NALF1: variants seen among roughly 807,000 people sequenced by gnomAD.
The protein encoded by NALF1 is NALCN channel auxiliary factor 1.
NALF1 carries 3 observed loss-of-function variants against 48.4 expected under a neutral mutation model. The ratio of observed to expected loss-of-function variants is 0.06; its 90% CI spans 0.03 to 0.16. NALF1 has a LOEUF of 0.16. Among genes scored for constraint, NALF1 ranks in the 10% least tolerant of loss-of-function variants. NALF1 has a pLI of 1.00. For missense variants in NALF1, 526 were observed against 571.5 expected (o/e 0.92, Z 0.81); for synonymous variants, 262 against 245.7 (o/e 1.07, Z -0.62).
At chr13:107,406,833 G>A (rs1883908315) in intron 1 of NALF1, among the ~76,000 whole-genome samples, 2 of 151,766 alleles carry the variant, frequency 1.3e-5, no homozygotes, top group Non-Finnish European at 2.9e-5. Context: ...AAAAAGAACA[G>A]AATGGGAGAA....
At chr13:107,200,264 G>C (rs1204328347) in intron 2 of NALF1, among the ~76,000 whole-genome samples, 2 of 152,186 alleles carry the variant, frequency 1.3e-5, no homozygotes, top group Non-Finnish European at 2.9e-5. Context: ...GGATTAGCCA[G>C]AGGAAGCTTT....
intron 1 of NALF1, among the ~76,000 whole-genome samples, chr13:107,656,647 C>T (rs1880584067): frequency 6.6e-6 from 1 of 152,138 alleles, no homozygotes; most frequent in Admixed American, 6.6e-5. Context: ...ATCCAGCAAT[C>T]CCACTACTGG....
At chr13:107,696,534 T>C (rs1881702886) in intron 1 of NALF1, among the ~76,000 whole-genome samples, 1 of 150,198 alleles carries the variant, frequency 6.7e-6, no homozygotes, top group African/African-American at 2.5e-5. Context: ...AGTGAAGTAC[T>C]TAACATCTCC....
chr13:107,465,838 C>T (rs1884993438), intron 1 of NALF1: 1 of 152,248 alleles, frequency 6.6e-6, no homozygotes, highest in Admixed American at 6.5e-5. Context: ...CCCCTTTTAG[C>T]TGTGTCCTCA....
At chr13:107,524,392 T>A (rs1038372394) in intron 1 of NALF1, among the ~76,000 whole-genome samples, 11 of 152,124 alleles carry the variant, frequency 7.2e-5, no homozygotes, top group African/African-American at 2.7e-4. Flanking sequence ...TTAAAATTAA[T>A]GTAATTTTTC....
chr13:107,309,580 G>A (rs1219808227), intron 1 of NALF1, among the ~76,000 whole-genome samples: 1 of 152,186 alleles, frequency 6.6e-6, no homozygotes, highest in Admixed American at 6.5e-5. Context: ...TTCACGGGAG[G>A]AACAGGTGCA....
intron 1 of NALF1, among the ~76,000 whole-genome samples, chr13:107,245,319 T>C (rs1880559153): frequency 6.6e-6 from 1 of 152,346 alleles, no homozygotes; most frequent in South Asian, 2.1e-4. Flanking sequence ...CTTTTCACGA[T>C]GTCTCTAGTA....
chr13:107,344,436 A>G (rs1882737588), intron 1 of NALF1, among the ~76,000 whole-genome samples: 1 of 152,210 alleles, frequency 6.6e-6, no homozygotes, highest in African/African-American at 2.4e-5. Flanking sequence ...AAAAATCCTT[A>G]ACAAAACACT....
chr13:107,569,456 A>G lies in NALF1; in HGVS notation c.915+296226T>C, dbSNP rs568837778. Among the ~76,000 whole-genome samples the G allele has an allele frequency of 1.5e-4, 23 of 152,088 alleles. No individual in the cohort carries two copies. The South Asian group carries it at 2.9e-3, about 19-fold the overall frequency. On this transcript the variant is annotated intron_variant, in intron 1 of 2. Coordinates refer to ENST00000375915, the MANE Select transcript of NALF1 (RefSeq NM_001080396.3). ...CACCGCACTCCAGCCTGGGCGACAC[A>G]GCGAGACTCCGTCTCAAAAAAAAAA...
chr13:107,826,154 C>G (rs1879510533), intron 1 of NALF1, among the ~76,000 whole-genome samples: 1 of 152,166 alleles, frequency 6.6e-6, no homozygotes, highest in African/African-American at 2.4e-5. Context: ...ATTACTGAAG[C>G]CTGGAGAAGA....
intron 1 of NALF1, among the ~76,000 whole-genome samples, chr13:107,626,346 A>G (rs569255473): frequency 1.4e-4 from 21 of 152,100 alleles, no homozygotes; most frequent in Non-Finnish European, 2.4e-4. Flanking sequence ...ACTATACAGA[A>G]CAGTATGAAA....
intron 2 of NALF1, among the ~76,000 whole-genome samples, chr13:107,183,553 T>C (rs1383887062): frequency 1.3e-5 from 2 of 152,166 alleles, no homozygotes; most frequent in Non-Finnish European, 2.9e-5. Context: ...TGTATGTTTA[T>C]TGCGGCACTG....
chr13:107,774,528 A>C (rs1047579470), intron 1 of NALF1, among the ~76,000 whole-genome samples: 3 of 152,192 alleles, frequency 2.0e-5, no homozygotes, highest in Non-Finnish European at 2.9e-5. Flanking sequence ...CCTCTCTGAG[A>C]CTAAATTGTT....
chr13:107,714,529 T>C (rs375992760), intron 1 of NALF1, among the ~76,000 whole-genome samples: 10 of 150,360 alleles, frequency 6.7e-5, no homozygotes, highest in African/African-American at 2.4e-4. Context: ...TAGCCAGGTA[T>C]GGTGGTGCAT....
At chr13:107,604,583 A>C (rs1190869102) in intron 1 of NALF1, among the ~76,000 whole-genome samples, 1 of 152,246 alleles carries the variant, frequency 6.6e-6, no homozygotes, top group African/African-American at 2.4e-5. Flanking sequence ...AAGGCAAGTA[A>C]GAAAGTTATT....
intron 1 of NALF1, among the ~76,000 whole-genome samples, chr13:107,353,047 C>T (rs1364356362): frequency 6.6e-6 from 1 of 152,116 alleles, no homozygotes; most frequent in Admixed American, 6.6e-5. Context: ...TGTACCCATG[C>T]AGCTTCTCCC....
At chr13:107,847,561 C>T (rs1334232115) in intron 1 of NALF1, among the ~76,000 whole-genome samples, 1 of 152,186 alleles carries the variant, frequency 6.6e-6, no homozygotes, top group Non-Finnish European at 1.5e-5. Context: ...CCCTTGCTGG[C>T]TTTAAAGAAG....
chr13:107,178,100 C>T (rs940510601), intron 2 of NALF1, among the ~76,000 whole-genome samples: 2 of 151,802 alleles, frequency 1.3e-5, no homozygotes, highest in Non-Finnish European at 2.9e-5. Flanking sequence ...TACGAAATTA[C>T]TAAAAGAAAA....
At chr13:107,221,526 G>T (rs183518008) in intron 1 of NALF1, among the ~76,000 whole-genome samples, 123 of 152,206 alleles carry the variant, frequency 8.1e-4, no homozygotes, top group Non-Finnish European at 1.5e-3. Flanking sequence ...ACTGCAGGGA[G>T]CCAAGACTGC....
Sources: gnomAD v4.1 joint callset for allele counts (sites outside exome capture counted in the v4.1 genomes callset) on GRCh38, gnomAD v4.1.1 for gene constraint, MANE v1.5 for transcripts, NCBI Gene and HGNC (gene_info 2026-07-23, HGNC 2026-07-21) for gene names.